CHODL: variants seen among roughly 807,000 people sequenced by gnomAD.
CHODL encodes the protein chondrolectin.
Under a neutral mutation model 34.5 loss-of-function variants are expected in CHODL, and 29 were observed. That is an observed-to-expected ratio of 0.84 (90% confidence interval 0.63 to 1.15). The LOEUF (loss-of-function observed/expected upper bound fraction) is 1.15. Ranked by LOEUF, CHODL falls within the 50% of genes most tolerant of loss-of-function variation. CHODL has a pLI of 0.00. For missense variants in CHODL, 332 were observed against 332.5 expected, an observed-to-expected ratio of 1.00 and a Z score of 0.01; for synonymous variants, 125 against 116.1, an observed-to-expected ratio of 1.08 and a Z score of -0.49.
At chr21:18,093,869 T>A (rs1600994006) in intron 2 of CHODL, among the ~76,000 whole-genome samples, 1 of 151,396 alleles carries the variant, frequency 6.6e-6, no homozygotes, top group East Asian at 1.9e-4. Flanking sequence ...ATGGCAGGAG[T>A]AATTCCCTAC....
chr21:18,248,719 T>TATATATGTATATAATATATAC, intron 1 of CHODL, among the ~76,000 whole-genome samples: 4 of 120,648 alleles, frequency 3.3e-5, no homozygotes, highest in South Asian at 2.2e-4. Context: ...AATATATACA[T>TATATATGTATATAATATATAC]ATATATGTAT....
chr21:18,138,357 C>G (rs2072760537), intron 2 of CHODL, among the ~76,000 whole-genome samples: 1 of 151,988 alleles, frequency 6.6e-6, no homozygotes, highest in African/African-American at 2.4e-5. Flanking sequence ...ATGTAACACT[C>G]CAGTTTATTA....
At chr21:18,074,136 G>C (rs1600969101) in intron 2 of CHODL, among the ~76,000 whole-genome samples, 1 of 152,202 alleles carries the variant, frequency 6.6e-6, no homozygotes, top group Middle Eastern at 3.4e-3. Flanking sequence ...TGATGGAATT[G>C]ATTATATAGA....
At chr21:18,094,709 C>T (rs1054866023) in intron 2 of CHODL, among the ~76,000 whole-genome samples, 6 of 130,184 alleles carry the variant, frequency 4.6e-5, no homozygotes, top group African/African-American at 1.7e-4. Flanking sequence ...AAAAGCAGTA[C>T]TAAGAGAAAT....
At chr21:18,215,381 T>C (rs2073815579) in intron 2 of CHODL, among the ~76,000 whole-genome samples, 1 of 152,090 alleles carries the variant, frequency 6.6e-6, no homozygotes, top group Admixed American at 6.5e-5. Context: ...CAGGAATTTA[T>C]TTTATGTGGA....
chr21:18,210,464 C>T (rs1601152115), intron 2 of CHODL, among the ~76,000 whole-genome samples: 1 of 152,262 alleles, frequency 6.6e-6, no homozygotes, highest in East Asian at 1.9e-4. Flanking sequence ...GATTGCTCAC[C>T]TAGCTTGGTT....
intron 2 of CHODL, among the ~76,000 whole-genome samples, chr21:18,202,021 G>C (rs927605991): frequency 3.6e-4 from 54 of 151,962 alleles, no homozygotes; most frequent in African/African-American, 1.3e-3. Flanking sequence ...TAGCCAGGAT[G>C]ATCTCAATCT....
intron 1 of CHODL, among the ~76,000 whole-genome samples, chr21:17,973,802 GAAA>G (rs369903501): frequency 1.6e-5 from 2 of 125,016 alleles, no homozygotes; most frequent in Non-Finnish European, 1.7e-5. Flanking sequence ...TATCTTTCAG[GAAA>G]AAAAAAAAAA....
intron 2 of CHODL, among the ~76,000 whole-genome samples, chr21:18,211,693 G>A (rs1198544914): frequency 6.6e-6 from 1 of 152,100 alleles, no homozygotes; most frequent in Non-Finnish European, 1.5e-5. Flanking sequence ...AATCATGATG[G>A]CAAAAGTCAT....
chr21:18,055,616 C>T (rs891969720), intron 2 of CHODL, among the ~76,000 whole-genome samples: 2 of 151,878 alleles, frequency 1.3e-5, no homozygotes, highest in Admixed American at 1.3e-4. Flanking sequence ...TTAGCATATC[C>T]GGCAGGGCTA....
intron 2 of CHODL, among the ~76,000 whole-genome samples, chr21:18,110,145 A>AG (rs1388915280): frequency 6.6e-6 from 1 of 152,172 alleles, no homozygotes; most frequent in East Asian, 1.9e-4. Flanking sequence ...TTTACTAGCT[A>AG]CAAACATATT....
At chr21:18,009,150 GA>G (rs1459656762) in intron 1 of CHODL, among the ~76,000 whole-genome samples, 2 of 152,120 alleles carry the variant, frequency 1.3e-5, no homozygotes, top group Non-Finnish European at 2.9e-5. Flanking sequence ...CTGTACTTAT[GA>G]TTTTTTTCAT....
At chr21:18,152,628 A>G (rs1440813295) in intron 2 of CHODL, among the ~76,000 whole-genome samples, 1 of 152,228 alleles carries the variant, frequency 6.6e-6, no homozygotes, top group East Asian at 1.9e-4. Flanking sequence ...CTCTCAAAAC[A>G]TGGCAGTTAC....
chr21:18,064,015 T>G (rs2064701020), intron 2 of CHODL, among the ~76,000 whole-genome samples: 1 of 152,220 alleles, frequency 6.6e-6, no homozygotes, highest in East Asian at 1.9e-4. Context: ...ACCTCATACA[T>G]CTATTCTTCC....
At chr21:18,254,949 T>C (rs1347792071) in intron 1 of CHODL, among the ~76,000 whole-genome samples, 1 of 152,044 alleles carries the variant, frequency 6.6e-6, no homozygotes, top group African/African-American at 2.4e-5. Context: ...TTATGACGTC[T>C]CAAAAATTCT....
At chr21:18,021,810 GA>G (rs5842672) in intron 1 of CHODL, among the ~76,000 whole-genome samples, 152,262 of 152,264 alleles carry the variant, frequency 1, 76,130 homozygotes, top group Non-Finnish European at 1. Flanking sequence ...GATATTGGAG[GA>G]AAAGAGAACC....
At chr21:17,989,879 A>G (rs1300489529) in intron 1 of CHODL, among the ~76,000 whole-genome samples, 2 of 152,180 alleles carry the variant, frequency 1.3e-5, no homozygotes, top group Non-Finnish European at 2.9e-5. Context: ...GTAAACAGTT[A>G]AACATTTTTG....
chr21:18,201,346 T>TAAAAAAAAAAAAAAAAAAAA (rs2073650055), intron 2 of CHODL, among the ~76,000 whole-genome samples: 1 of 152,176 alleles, frequency 6.6e-6, no homozygotes, highest in Non-Finnish European at 1.5e-5. Flanking sequence ...TAATAAACTC[T>TAAAAAAAAAAAAAAAAAAAA]TATATGGTAC....
chr21:18,140,921 AG>A (rs1005084817), intron 2 of CHODL, among the ~76,000 whole-genome samples: 5 of 152,108 alleles, frequency 3.3e-5, no homozygotes, highest in Admixed American at 1.3e-4. Flanking sequence ...TTCCACACTA[AG>A]ATTCAGAATG....
Sources: allele counts gnomAD v4.1 joint callset (sites outside exome capture counted in the v4.1 genomes callset), GRCh38; gene constraint gnomAD v4.1.1; transcripts MANE v1.5; gene names NCBI Gene and HGNC (gene_info 2026-07-23, HGNC 2026-07-21).